Variants in GBX1 observed in about 807,000 individuals in gnomAD.
The protein encoded by GBX1 is homeobox protein GBX-1.
Under a neutral mutation model 22.9 loss-of-function variants are expected in GBX1, and 9 were observed. The observed-to-expected ratio is 0.39, with a 90% CI of 0.24 to 0.69. The LOEUF is 0.69. Among genes scored for constraint, GBX1 ranks in the 30% least tolerant of loss-of-function variants. The probability of loss-of-function intolerance (pLI) is 0.43; values close to 1 mark genes in which losing one functional copy is unlikely to be tolerated. For missense variants in GBX1, 494 were observed against 509.2 expected, an observed-to-expected ratio of 0.97 and a Z score of 0.29; for synonymous variants, 203 against 227.3, an observed-to-expected ratio of 0.89 and a Z score of 0.96.
At chr7:151,159,297 G>A (rs1304064992) in intron 1 of GBX1, among the ~76,000 whole-genome samples, 1 of 151,934 alleles carries the variant, frequency 6.6e-6, no homozygotes, top group African/African-American at 2.4e-5. Context: ...TGTTGCCCAG[G>A]CTGGTCTCGA....
intron 1 of GBX1, among the ~76,000 whole-genome samples, chr7:151,161,159 C>T (rs1801184325): frequency 6.6e-6 from 1 of 152,212 alleles, no homozygotes; most frequent in Non-Finnish European, 1.5e-5. Context: ...ACTTTGCTCA[C>T]AATGCATGTT....
Position 151,148,687 on chromosome 7 carries a change from C to T in GBX1, c.994G>A (p.Val332Ile), listed in dbSNP as rs750465302. 51 of 1,614,132 alleles carry T rather than the reference C, an allele frequency of 3.2e-5. No homozygotes were observed. The highest frequency in any genetic ancestry group is 6.7e-5 in the African/African-American group (5 of 75,014). The change falls in exon 2 of 2, where the codon GTA becomes ATA. Residue 332 changes from valine to isoleucine, a missense_variant. Val to Ile is a conservative substitution (Grantham distance 29). Transcript: ENST00000297537. This position sits in a 1 kb window ranked among gnomAD's most constrained non-coding sequence, Gnocchi z 5.1. The part of the protein sequence containing the change: ...GNVSSRSGEP[V>I]RNPKIVVPIP... The stretch of plus-strand genomic sequence containing the variant: ...GGGACAACAATCTTGGGGTTTCTTA[C>T]GGGCTCCCCAGAACGGCTGCTCACA...
chr7:151,155,790 G>T (rs1801126991), intron 1 of GBX1, among the ~76,000 whole-genome samples: 1 of 152,070 alleles, frequency 6.6e-6, no homozygotes, highest in African/African-American at 2.4e-5. Context: ...TTATCTTCAA[G>T]CAGTTGACTG....
chr7:151,158,435 CAA>C (rs1801159026), intron 1 of GBX1, among the ~76,000 whole-genome samples: 1 of 150,898 alleles, frequency 6.6e-6, no homozygotes, highest in Non-Finnish European at 1.5e-5. Context: ...GATAAAGAAA[CAA>C]GAAGAGTTTT....
In GBX1 at chr7:151,154,736, G is replaced by C. The variant is rs532584966; in HGVS notation, c.539-5594C>G. 2.0e-5 allele frequency among the ~76,000 whole-genome samples: 3 copies of C among 152,304 alleles called. No homozygotes were observed. In the South Asian group the frequency reaches 6.2e-4, roughly 32 times the overall value. On this transcript the variant is annotated intron_variant, in intron 1 of 1. Transcript: ENST00000297537. ...CCAGAGAACAGCACTCATGCTCCAG[G>C]AGACGTGCTTGCATGGGGCCTTCCT...
intron 1 of GBX1, among the ~76,000 whole-genome samples, chr7:151,164,157 T>C (rs1801224314): frequency 6.6e-6 from 1 of 152,224 alleles, no homozygotes; most frequent in Admixed American, 6.5e-5. Context: ...ACTAAACAAA[T>C]GTAAATTAAT....
At chr7:151,151,975 C>G (rs1284226375) in intron 1 of GBX1, among the ~76,000 whole-genome samples, 1 of 152,214 alleles carries the variant, frequency 6.6e-6, no homozygotes, top group African/African-American at 2.4e-5. Context: ...CTGATACTCT[C>G]TATGTCCTTT....
At chr7:151,158,458 T>C (rs561205666) in intron 1 of GBX1, among the ~76,000 whole-genome samples, 143 of 151,768 alleles carry the variant, frequency 9.4e-4, no homozygotes, top group African/African-American at 3.3e-3. Flanking sequence ...TTTGTTTTTG[T>C]TTTTGTTTTT....
At chr7:151,166,158 C>A (rs1251796652) in intron 1 of GBX1, among the ~76,000 whole-genome samples, 1 of 152,122 alleles carries the variant, frequency 6.6e-6, no homozygotes, top group Non-Finnish European at 1.5e-5. Context: ...ATAGAGAGGT[C>A]AGGAGGGCTC....
chr7:151,159,635 C>T (rs1355544886), intron 1 of GBX1, among the ~76,000 whole-genome samples: 4 of 152,124 alleles, frequency 2.6e-5, no homozygotes, highest in South Asian at 2.1e-4. Context: ...CCTCGGCCTC[C>T]GAAAGAGCTG....
At chr7:151,154,467 A>C (rs972325193) in intron 1 of GBX1, among the ~76,000 whole-genome samples, 1 of 152,222 alleles carries the variant, frequency 6.6e-6, no homozygotes, top group Non-Finnish European at 1.5e-5. Flanking sequence ...CTTTATGATG[A>C]GGATGATATT....
chr7:151,156,940 G>A (rs940060849), intron 1 of GBX1, among the ~76,000 whole-genome samples: 3 of 130,996 alleles, frequency 2.3e-5, no homozygotes, highest in Admixed American at 1.8e-4. Context: ...AGCAGAGATC[G>A]CACAACTGTA....
At chr7:151,161,264 A>G (rs1041866248) in intron 1 of GBX1, among the ~76,000 whole-genome samples, 19 of 152,146 alleles carry the variant, frequency 1.2e-4, no homozygotes, top group Admixed American at 1.0e-3. Flanking sequence ...TGCCACTCCA[A>G]GTATAAGAAT....
chr7:151,157,859 T>G (rs1801152976), intron 1 of GBX1, among the ~76,000 whole-genome samples: 1 of 152,220 alleles, frequency 6.6e-6, no homozygotes, highest in Non-Finnish European at 1.5e-5. Context: ...TCCCAGGGTT[T>G]TATTTACACT....
At chr7:151,151,050 C>G (rs756894091) in intron 1 of GBX1, among the ~76,000 whole-genome samples, 3 of 152,152 alleles carry the variant, frequency 2.0e-5, no homozygotes, top group Non-Finnish European at 4.4e-5. Flanking sequence ...CCTTAGTGGC[C>G]AGAACTCTCA....
At chr7:151,158,320 G>C (rs1801157675) in intron 1 of GBX1, among the ~76,000 whole-genome samples, 1 of 151,990 alleles carries the variant, frequency 6.6e-6, no homozygotes, top group African/African-American at 2.4e-5. Context: ...AATTCATCTG[G>C]ACTTTAAAAA....
At chr7:151,164,379 T>G (rs1382666888) in intron 1 of GBX1, among the ~76,000 whole-genome samples, 1 of 152,226 alleles carries the variant, frequency 6.6e-6, no homozygotes, top group Non-Finnish European at 1.5e-5. Context: ...CTGGGTCATG[T>G]GTCATCAGTC....
Position 151,167,023 on chromosome 7 carries a change from G to C in GBX1, c.526C>G (p.Pro176Ala). 6.2e-7 allele frequency: 1 copy of C among 1,604,056 alleles called. No individual in the cohort carries two copies. The highest frequency in any genetic ancestry group is 8.5e-7 in the Non-Finnish European group (1 of 1,176,736). The part of the protein sequence containing the change: ...PPPPHFSETF[P>A]SLPAEGKVYS... ...CCCTAGCACTTACCGGGCAGACTTG[G>C]AAAAGTCTCTGAGAAGTGCGGAGGC... The change falls in exon 1 of 2, where the codon CCA (proline) becomes GCA (alanine). Residue 176 changes from proline to alanine, a missense_variant. Physicochemically the swap from Pro to Ala is conservative, Grantham distance 27. Coordinates refer to ENST00000297537, the MANE Select transcript of GBX1 (RefSeq NM_001098834.3). The surrounding 1 kb of genome is among the most constrained non-coding windows in gnomAD (Gnocchi z 5.9).
intron 1 of GBX1, among the ~76,000 whole-genome samples, chr7:151,164,870 T>C (rs1322177319): frequency 6.8e-6 from 1 of 147,018 alleles, no homozygotes; most frequent in Non-Finnish European, 1.5e-5. Flanking sequence ...ACTCTCAATA[T>C]TAAAAACTCT....
Sources: allele counts gnomAD v4.1 joint callset (sites outside exome capture counted in the v4.1 genomes callset), GRCh38; gene constraint gnomAD v4.1.1; non-coding constraint Gnocchi (gnomAD v3.1); transcripts MANE v1.5; gene names NCBI Gene and HGNC (gene_info 2026-07-23, HGNC 2026-07-21).